Variants in PRUNE2 observed in about 807,000 individuals in gnomAD.
PRUNE2 encodes protein prune homolog 2.
PRUNE2 carries 164 observed loss-of-function variants against 252.0 expected under a neutral mutation model. The observed-to-expected ratio is 0.65, with a 90% CI of 0.57 to 0.74. The LOEUF is 0.74. PRUNE2 is among the 30% of genes least tolerant of loss of function. The pLI, the probability that PRUNE2 is intolerant of heterozygous loss-of-function variation, is 0.00. For synonymous variants in PRUNE2, 1,292 were observed against 1,350.2 expected (o/e 0.96, Z 0.94); for missense variants, 3,495 against 3,711.0 (o/e 0.94, Z 1.51).
chr9:76,843,041 G>A (rs538135633), intron 4 of PRUNE2, among the ~76,000 whole-genome samples: 3 of 152,142 alleles, frequency 2.0e-5, no homozygotes, highest in African/African-American at 4.8e-5. Context: ...ACTTATTGCC[G>A]CACTATTCAC....
In PRUNE2 at chr9:76,705,405, G is replaced by A. The variant is rs750742131; in HGVS notation, c.6869C>T (p.Thr2290Ile). 4 of 1,613,974 alleles carry A rather than the reference G, an allele frequency of 2.5e-6. No homozygotes were observed. The East Asian group carries it at 6.7e-5, about 27-fold the overall frequency. Residue 2290 changes from threonine (T) to isoleucine (I), a missense_variant, in exon 8 of 19, where the codon ACT becomes ATT. Coordinates refer to ENST00000376718, the MANE Select transcript of PRUNE2 (RefSeq NM_015225.3). ...LVPDALLASD[T>I]CLDISEAAFD... ...GGCAGCTTCGCTTATATCCAGACAA[G>A]TGTCTGAGGCTAGCAAAGCATCAGG...
intron 12 of PRUNE2, among the ~76,000 whole-genome samples, chr9:76,642,809 A>G (rs1008340703): frequency 6.6e-6 from 1 of 152,236 alleles, no homozygotes; most frequent in African/African-American, 2.4e-5. Context: ...AAAGCTGTTC[A>G]GGGTGTAGGA....
chr9:76,780,629 T>C (rs1223788161), intron 6 of PRUNE2, among the ~76,000 whole-genome samples: 1 of 152,162 alleles, frequency 6.6e-6, no homozygotes, highest in Non-Finnish European at 1.5e-5. Flanking sequence ...AGGCAGAGCT[T>C]GCAGTGAGCT....
At chr9:76,723,734 A>G (rs564193352) in intron 6 of PRUNE2, among the ~76,000 whole-genome samples, 1 of 152,226 alleles carries the variant, frequency 6.6e-6, no homozygotes, top group Non-Finnish European at 1.5e-5. Flanking sequence ...GGGAGATAAC[A>G]TGTTTATTGA....
intron 6 of PRUNE2, among the ~76,000 whole-genome samples, chr9:76,801,249 T>A (rs148812076): frequency 2.4e-3 from 359 of 152,262 alleles, no homozygotes; most frequent in African/African-American, 8.4e-3. Context: ...ATTTAAAAAC[T>A]TTTTTCTCTC....
chr9:76,633,137 G>A (rs949582177), intron 15 of PRUNE2, among the ~76,000 whole-genome samples: 7 of 151,912 alleles, frequency 4.6e-5, no homozygotes, highest in South Asian at 2.1e-4. Flanking sequence ...CAGGAGAATC[G>A]CTTGAACCTG....
intron 16 of PRUNE2, among the ~76,000 whole-genome samples, chr9:76,627,623 C>T (rs183709170): frequency 1.6e-4 from 24 of 152,196 alleles, no homozygotes; most frequent in African/African-American, 4.8e-4. Flanking sequence ...CCTGTGTTCA[C>T]GCCCGATATT....
intron 6 of PRUNE2, among the ~76,000 whole-genome samples, chr9:76,714,661 T>C (rs2135100973): frequency 6.6e-6 from 1 of 152,368 alleles, no homozygotes; most frequent in South Asian, 2.1e-4. Context: ...CCTTGCAAAG[T>C]GCTGGGCTTA....
intron 6 of PRUNE2, among the ~76,000 whole-genome samples, chr9:76,815,487 G>A (rs1049147421): frequency 6.6e-6 from 1 of 152,152 alleles, no homozygotes; most frequent in Non-Finnish European, 1.5e-5. Flanking sequence ...GGACAAACAT[G>A]TCCCCGCAAG....
In PRUNE2 at chr9:76,614,502, C is replaced by G. The variant is rs1437307662; in HGVS notation, c.*68G>C. ...GAAAAAGGTAACATCAGCCCTGTCT[C>G]TTTCAGGTAGATATGTTTCAACAGA... On this transcript the variant is annotated 3_prime_UTR_variant, in exon 19 of 19. Transcript: ENST00000376718. The G allele has an allele frequency of 1.5e-6, 2 of 1,328,066 alleles. No homozygotes were observed. Among genetic ancestry groups the G allele is most frequent in the Non-Finnish European group, 2.2e-6 (2 of 921,386 alleles). 82.3% of individuals were successfully genotyped at this position (1,328,066 alleles called of 1,614,324 possible). A position where few individuals can be genotyped will look rare whatever the true frequency, so the allele number is the denominator to read the frequency against.
intron 11 of PRUNE2, among the ~76,000 whole-genome samples, chr9:76,651,376 G>A (rs1462382141): frequency 6.6e-6 from 1 of 152,148 alleles, no homozygotes; most frequent in Non-Finnish European, 1.5e-5. Flanking sequence ...AGCTAATTTG[G>A]TGAATTTTCT....
At chr9:76,778,722 G>C (rs912839166) in intron 6 of PRUNE2, 1 of 152,220 alleles carries the variant, frequency 6.6e-6, no homozygotes, top group Admixed American at 6.5e-5. Flanking sequence ...TGGGTTATTT[G>C]AAGGATGAAT....
At chr9:76,866,839 T>G (rs12341075) in intron 1 of PRUNE2, among the ~76,000 whole-genome samples, 7,743 of 151,048 alleles carry the variant, frequency 0.051, 613 homozygotes, top group African/African-American at 0.17. Flanking sequence ...AGGGAGGAAG[T>G]TAAGAGGGAG....
chr9:76,827,810 T>C lies in PRUNE2; in HGVS notation c.509-1078A>G, dbSNP rs147798806. Among the ~76,000 whole-genome samples the C allele has an allele frequency of 2.7e-4, 41 of 152,336 alleles. No individual in the cohort carries two copies. The East Asian group carries it at 7.1e-3, about 27-fold the overall frequency. On this transcript the variant is annotated intron_variant, in intron 4 of 18. Transcript: ENST00000376718. ...CAAGTCGTCTGGCCTCCGTTTCCAGTTTCCCATTTTTAAAACAGGAATAAT... is the reference window on the plus strand; with the variant it reads ...CAAGTCGTCTGGCCTCCGTTTCCAGCTTCCCATTTTTAAAACAGGAATAAT...
chr9:76,676,899 G>A (rs762726541), intron 9 of PRUNE2, among the ~76,000 whole-genome samples: 1 of 152,156 alleles, frequency 6.6e-6, no homozygotes, highest in Non-Finnish European at 1.5e-5. Flanking sequence ...AGAAAAACCC[G>A]AGCTCAGATT....
rs373565657 is a variant in PRUNE2, at chr9:76,727,710, C to CTT, written c.757-13991_757-13990dup. 1.6e-3 allele frequency among the ~76,000 whole-genome samples: 69 copies of CTT among 42,906 alleles called. 1 individual carries two copies. Among genetic ancestry groups the CTT allele is most frequent in the African/African-American group, 3.3e-3 (34 of 10,206 alleles). The allele number at this position is 42,906 out of a possible 152,430, so 28.1% of individuals were successfully genotyped here. ...CCAACTTAGTTATGGGTAAACAGGG[C>CTT]TTTTTTTTTTTTTTTTTTTTTTGAA... On this transcript the variant is annotated intron_variant, in intron 6 of 18. Transcript: ENST00000376718.
chr9:76,657,459 AT>A (rs1431448257), intron 9 of PRUNE2, among the ~76,000 whole-genome samples: 1 of 152,194 alleles, frequency 6.6e-6, no homozygotes, highest in Non-Finnish European at 1.5e-5. Flanking sequence ...AGTTTAATAG[AT>A]TTTTTTAAAC....
chr9:76,614,520 T>A lies in PRUNE2; in HGVS notation c.*50A>T. Reference sequence around the variant, plus strand: ...CCTGTCTCTTTCAGGTAGATATGTTTCAACAGAACCATGAACCAGAAAAGC... The same window carrying A: ...CCTGTCTCTTTCAGGTAGATATGTTACAACAGAACCATGAACCAGAAAAGC... On this transcript the variant is annotated 3_prime_UTR_variant, in exon 19 of 19. Coordinates refer to ENST00000376718, the MANE Select transcript of PRUNE2 (RefSeq NM_015225.3). The A allele has an allele frequency of 6.6e-7, 1 of 1,524,776 alleles. No individual in the cohort carries two copies. Among genetic ancestry groups the A allele is most frequent in the Non-Finnish European group, 9.1e-7 (1 of 1,099,432 alleles). 94.5% of individuals were successfully genotyped at this position (1,524,776 alleles called of 1,614,324 possible). A position where few individuals can be genotyped will look rare whatever the true frequency, so the allele number is the denominator to read the frequency against.
chr9:76,811,989 C>T (rs1490359919), intron 6 of PRUNE2, among the ~76,000 whole-genome samples: 1 of 152,108 alleles, frequency 6.6e-6, no homozygotes, highest in East Asian at 1.9e-4. Flanking sequence ...AAAAGCTGTG[C>T]AAAGTGTACT....
Sources: gnomAD v4.1 joint callset for allele counts (sites outside exome capture counted in the v4.1 genomes callset) on GRCh38, gnomAD v4.1.1 for gene constraint, MANE v1.5 for transcripts, NCBI Gene and HGNC (gene_info 2026-07-23, HGNC 2026-07-21) for gene names.